Variants in MKLN1 observed in about 807,000 individuals in gnomAD.
MKLN1 encodes muskelin.
A neutral mutation model predicts 99.0 loss-of-function variants in MKLN1; 18 were observed. The observed-to-expected ratio is 0.18, with a 90% CI of 0.13 to 0.27. The LOEUF (loss-of-function observed/expected upper bound fraction) is 0.27. Among genes scored for constraint, MKLN1 ranks in the 10% least tolerant of loss-of-function variants. MKLN1 has a pLI of 1.00. For missense variants in MKLN1, 621 were observed against 875.9 expected (o/e 0.71, Z 3.67); for synonymous variants, 288 against 293.2 (o/e 0.98, Z 0.18).
chr7:131,163,804 G>A (rs1432038240), intron 2 of MKLN1, among the ~76,000 whole-genome samples: 1 of 152,094 alleles, frequency 6.6e-6, no homozygotes, highest in Non-Finnish European at 1.5e-5. Flanking sequence ...TAATGCTAAC[G>A]ATTACTAGTT....
chr7:131,254,169 G>T (rs968234906), intron 3 of MKLN1, among the ~76,000 whole-genome samples: 1 of 152,160 alleles, frequency 6.6e-6, no homozygotes, highest in Admixed American at 6.6e-5. Context: ...TTGCCATCCC[G>T]AGGGGGCTGT....
intron 2 of MKLN1, among the ~76,000 whole-genome samples, chr7:131,157,083 G>C (rs1795980830): frequency 6.6e-6 from 1 of 152,076 alleles, no homozygotes; most frequent in Non-Finnish European, 1.5e-5. Flanking sequence ...TGTTCTACTT[G>C]AGAAATTCTT....
intron 6 of MKLN1, among the ~76,000 whole-genome samples, chr7:131,404,726 TC>T (rs1794650206): frequency 6.6e-6 from 1 of 151,656 alleles, no homozygotes; most frequent in South Asian, 2.1e-4. Context: ...TTACCAAGCC[TC>T]CCAGGTAGCA....
intron 3 of MKLN1, among the ~76,000 whole-genome samples, chr7:131,230,055 T>A (rs2398744): frequency 0.61 from 92,269 of 152,078 alleles, 28,558 homozygotes; most frequent in African/African-American, 0.72. Context: ...AAAGTAAGCC[T>A]CATTATACCA....
At chr7:131,356,852 G>A (rs1044995077) in intron 1 of MKLN1, among the ~76,000 whole-genome samples, 2 of 152,130 alleles carry the variant, frequency 1.3e-5, no homozygotes, top group Non-Finnish European at 2.9e-5. Flanking sequence ...TTCAGTTCTT[G>A]CCTCCTCAGG....
chr7:131,295,164 C>T (rs1798272155), intron 3 of MKLN1, among the ~76,000 whole-genome samples: 2 of 151,980 alleles, frequency 1.3e-5, no homozygotes, highest in African/African-American at 4.8e-5. Context: ...AATTTTTGCT[C>T]TTATTTTTAT....
At chr7:131,344,863 G>A (rs754383559) in intron 1 of MKLN1, among the ~76,000 whole-genome samples, 2 of 151,914 alleles carry the variant, frequency 1.3e-5, no homozygotes, top group African/African-American at 2.4e-5. Flanking sequence ...GTGCAGTGGC[G>A]CCATCTTGGC....
chr7:131,439,353 G>A (rs1795761810), intron 10 of MKLN1, among the ~76,000 whole-genome samples: 1 of 152,018 alleles, frequency 6.6e-6, no homozygotes, highest in Non-Finnish European at 1.5e-5. Context: ...TCTTGTGTGT[G>A]GCCTTTGTTT....
intron 10 of MKLN1, among the ~76,000 whole-genome samples, chr7:131,438,288 A>G (rs1479385753): frequency 6.6e-6 from 1 of 152,000 alleles, no homozygotes; most frequent in African/African-American, 2.4e-5. Flanking sequence ...TTTATAATAC[A>G]TATGCATAAA....
At chr7:131,478,902 G>C (rs1335730498) in intron 17 of MKLN1, 1 of 569,594 alleles carries the variant, frequency 1.8e-6, no homozygotes, top group Non-Finnish European at 3.1e-6. Context: ...TGCTGTGTTA[G>C]TATGCAAACA....
chr7:131,382,146 C>T (rs565520980), intron 2 of MKLN1, among the ~76,000 whole-genome samples: 3 of 152,284 alleles, frequency 2.0e-5, no homozygotes, highest in South Asian at 4.1e-4. Flanking sequence ...AGGCAGATCA[C>T]TTGAGGCCAG....
intron 3 of MKLN1, among the ~76,000 whole-genome samples, chr7:131,297,559 A>T (rs1452270494): frequency 1.3e-5 from 2 of 151,456 alleles, no homozygotes. Flanking sequence ...TAGTATATAT[A>T]GGGGCCTTAG....
In MKLN1 at chr7:131,466,399, C is replaced by G. The variant is rs1469717722; in HGVS notation, c.1912C>G (p.Leu638Val). The G allele has an allele frequency of 6.3e-7, 1 of 1,583,770 alleles. No individual in the cohort carries two copies. The highest frequency in any genetic ancestry group is 1.7e-5 in the Admixed American group (1 of 57,678). The change falls in exon 15 of 18, where the codon CTC becomes GTC. Residue 638 changes from leucine to valine, a missense_variant. Leu to Val is a conservative substitution (Grantham distance 32, BLOSUM62 1). Coordinates refer to ENST00000352689, the MANE Select transcript of MKLN1 (RefSeq NM_013255.5). The stretch of plus-strand genomic sequence containing the variant: ...TTATTTACTGAGGCATTGCAAGTAC[C>G]TCATAAGAAAACACAGGTATGAAAA... ...KDYLLRHCKY[L>V]IRKHRFEEKA...
In MKLN1 at chr7:131,419,846, A is replaced by G. The variant is rs1795139018; in HGVS notation, c.847+5136A>G. ...CACAAACTGTGTTGAGTTTTTTAGG[A>G]CTTTGTTTAGGACTTTAACCTACAT... On this transcript the variant is annotated intron_variant, in intron 8 of 17. Transcript: ENST00000352689. 2.6e-5 allele frequency among the ~76,000 whole-genome samples: 4 copies of G among 152,224 alleles called. No homozygotes were observed. The South Asian group carries it at 8.3e-4, about 32-fold the overall frequency.
At chr7:131,470,030 C>A (rs1021331967) in intron 15 of MKLN1, among the ~76,000 whole-genome samples, 1 of 151,986 alleles carries the variant, frequency 6.6e-6, no homozygotes, top group Non-Finnish European at 1.5e-5. Context: ...CATGTGCCAC[C>A]GCACCTGGCT....
intron 8 of MKLN1, among the ~76,000 whole-genome samples, chr7:131,423,338 T>C (rs1303255007): frequency 1.3e-5 from 2 of 152,130 alleles, no homozygotes; most frequent in Non-Finnish European, 1.5e-5. Context: ...TTTATTTATT[T>C]ATTTATTTTT....
At chr7:131,135,397 G>A (rs1165143265) in intron 1 of MKLN1, among the ~76,000 whole-genome samples, 1 of 152,224 alleles carries the variant, frequency 6.6e-6, no homozygotes, top group East Asian at 1.9e-4. Context: ...TGGGATTACA[G>A]GCATGAGCCA....
intron 2 of MKLN1, among the ~76,000 whole-genome samples, chr7:131,163,930 A>G (rs900032387): frequency 1.3e-5 from 2 of 152,220 alleles, no homozygotes; most frequent in African/African-American, 2.4e-5. Flanking sequence ...TGCCCAGTTT[A>G]GAACAGTAGC....
At chr7:131,279,669 G>A (rs1299005488) in intron 3 of MKLN1, among the ~76,000 whole-genome samples, 1 of 152,100 alleles carries the variant, frequency 6.6e-6, no homozygotes, top group Admixed American at 6.6e-5. Context: ...TTAGCTGTGT[G>A]GTGGTGCACA....
Sources: gnomAD v4.1 joint callset for allele counts (sites outside exome capture counted in the v4.1 genomes callset) on GRCh38, gnomAD v4.1.1 for gene constraint, MANE v1.5 for transcripts, NCBI Gene and HGNC (gene_info 2026-07-23, HGNC 2026-07-21) for gene names.